The following CTDP1 variants were observed in gnomAD, a reference collection of about 807,000 sequenced individuals.
CTDP1 encodes the protein CTD phosphatase 1.
CTDP1 carries 47 observed loss-of-function variants against 91.8 expected under a neutral mutation model. The ratio of observed to expected loss-of-function variants is 0.51; its 90% CI spans 0.41 to 0.65. The LOEUF (loss-of-function observed/expected upper bound fraction) is 0.65. Among genes scored for constraint, CTDP1 ranks in the 30% least tolerant of loss-of-function variants. The pLI is 0.00. For synonymous variants in CTDP1, 656 were observed against 598.5 expected (o/e 1.10, Z -1.40); for missense variants, 1,272 against 1,373.7 (o/e 0.93, Z 1.17).
intron 4 of CTDP1, among the ~76,000 whole-genome samples, chr18:79,700,094 T>C (rs73009310): frequency 0.14 from 20,730 of 152,218 alleles, 1,643 homozygotes; most frequent in Non-Finnish European, 0.19. Flanking sequence ...CTCCACCAAC[T>C]GGCCATTCCC....
At chr18:79,737,377 C>T (rs2086690883) in intron 12 of CTDP1, among the ~76,000 whole-genome samples, 1 of 152,282 alleles carries the variant, frequency 6.6e-6, no homozygotes, top group East Asian at 1.9e-4. Context: ...TACGTTTGAC[C>T]TTTTCTACAT....
intron 11 of CTDP1, among the ~76,000 whole-genome samples, chr18:79,734,260 A>G (rs56335514): frequency 0.13 from 19,753 of 152,298 alleles, 1,671 homozygotes; most frequent in Non-Finnish European, 0.19. Flanking sequence ...ACGTGACCCC[A>G]TCCTGAGTCA....
At chr18:79,684,682 C>G (rs1452471009) in intron 1 of CTDP1, among the ~76,000 whole-genome samples, 1 of 152,220 alleles carries the variant, frequency 6.6e-6, no homozygotes, top group African/African-American at 2.4e-5. Context: ...AACATTTATC[C>G]TAACCACATC....
In CTDP1 at chr18:79,753,824, G is replaced by C. The variant is rs371112832; in HGVS notation, c.*34G>C. ...AGCGGGCAGGGACTGAAGCCTGACC[G>C]ACCTCCAGCAGCACTCGGACGTCCC... On this transcript the variant is annotated 3_prime_UTR_variant, in exon 13 of 13. Coordinates refer to ENST00000613122, the MANE Select transcript of CTDP1 (RefSeq NM_004715.5). The C allele has an allele frequency of 6.2e-7, 1 of 1,607,630 alleles. No homozygotes were observed. Among genetic ancestry groups the C allele is most frequent in the Non-Finnish European group, 8.5e-7 (1 of 1,178,016 alleles).
upstream of CTDP1, among the ~76,000 whole-genome samples, chr18:79,677,085 T>C (rs1007493834): frequency 1.3e-5 from 2 of 152,232 alleles, no homozygotes; most frequent in African/African-American, 4.8e-5. Flanking sequence ...TACAGAATTA[T>C]TTTTTCAAAC....
chr18:79,714,406 G>T (rs2086150186), intron 7 of CTDP1, 85 bp from the exon 8 acceptor site: 2 of 1,494,702 alleles, frequency 1.3e-6, no homozygotes, highest in African/African-American at 2.8e-5. Flanking sequence ...TCACAGCCAT[G>T]GAGAAGGGTG....
At chr18:79,716,024 A>G (rs2086200711) in intron 8 of CTDP1, among the ~76,000 whole-genome samples, 2 of 152,234 alleles carry the variant, frequency 1.3e-5, no homozygotes, top group South Asian at 4.1e-4. Flanking sequence ...CTGCTCTGAC[A>G]TGTTGAAACT....
chr18:79,723,062 T>A (rs1350337383), intron 10 of CTDP1, among the ~76,000 whole-genome samples: 1 of 152,234 alleles, frequency 6.6e-6, no homozygotes, highest in Non-Finnish European at 1.5e-5. Context: ...TGTGGACCCC[T>A]AGTGCCTGCA....
intron 1 of CTDP1, among the ~76,000 whole-genome samples, chr18:79,693,923 G>A (rs909885959): frequency 6.6e-6 from 1 of 150,842 alleles, no homozygotes; most frequent in Non-Finnish European, 1.5e-5. Flanking sequence ...CTGCAGACCC[G>A]CCCCTCCCAG....
In CTDP1 at chr18:79,714,574, G is replaced by A; in HGVS notation, c.1114G>A (p.Glu372Lys). Residue 372 changes from glutamate (E) to lysine (K), a missense_variant, in exon 8 of 13, where the codon GAG becomes AAG. Physicochemically the swap from Glu to Lys is moderately conservative, Grantham distance 56. Coordinates refer to ENST00000613122, the MANE Select transcript of CTDP1 (RefSeq NM_004715.5). ...PEGVTQAPGV[E>K]PSNGLEKPAR... ...GGGGGTAACGCAGGCCCCTGGAGTG[G>A]AGCCCAGCAATGGCCTGGAGAAGCC... The A allele has an allele frequency of 6.2e-7, 1 of 1,613,148 alleles. No homozygotes were observed. Among genetic ancestry groups the A allele is most frequent in the Non-Finnish European group, 8.5e-7 (1 of 1,180,034 alleles).
chr18:79,737,225 C>T (rs934326164), intron 12 of CTDP1, among the ~76,000 whole-genome samples: 7 of 152,196 alleles, frequency 4.6e-5, no homozygotes, highest in East Asian at 3.9e-4. Flanking sequence ...TCTGCATTGC[C>T]GTGAAAGGTA....
intron 12 of CTDP1, among the ~76,000 whole-genome samples, chr18:79,751,427 G>A (rs1162535187): frequency 6.6e-6 from 1 of 152,140 alleles, no homozygotes; most frequent in African/African-American, 2.4e-5. Flanking sequence ...TGGAGTTCTG[G>A]GGCCCTTGTG....
chr18:79,716,366 G>T (rs915112183), intron 8 of CTDP1, among the ~76,000 whole-genome samples: 4 of 152,228 alleles, frequency 2.6e-5, no homozygotes, highest in Non-Finnish European at 5.9e-5. Flanking sequence ...GTATCATGGG[G>T]CGTTGGACAC....
chr18:79,685,454 G>A (rs1246835428), intron 1 of CTDP1: 2 of 152,216 alleles, frequency 1.3e-5, no homozygotes, highest in Non-Finnish European at 2.9e-5. Context: ...GGCCGTGTGC[G>A]AGGGTTGATG....
intron 1 of CTDP1, among the ~76,000 whole-genome samples, chr18:79,686,480 A>T (rs773333469): frequency 2.0e-5 from 3 of 152,264 alleles, no homozygotes; most frequent in Non-Finnish European, 4.4e-5. Context: ...TTAAAGGATA[A>T]ATGCACATTT....
intron 1 of CTDP1, among the ~76,000 whole-genome samples, chr18:79,686,448 GA>G (rs1458063833): frequency 1.3e-5 from 2 of 152,242 alleles, no homozygotes; most frequent in Non-Finnish European, 2.9e-5. Flanking sequence ...TGATGAGTTT[GA>G]AGAGATTCAG....
chr18:79,680,565 C>T (rs377167908), intron 1 of CTDP1, among the ~76,000 whole-genome samples: 6 of 152,366 alleles, frequency 3.9e-5, no homozygotes, highest in African/African-American at 1.4e-4. Context: ...TTTAGCTCCA[C>T]CTTTGTGACT....
chr18:79,698,559 T>C (rs920565661), intron 4 of CTDP1, among the ~76,000 whole-genome samples: 37 of 152,170 alleles, frequency 2.4e-4, no homozygotes, highest in Admixed American at 2.4e-3. Context: ...GTCCTCAGGA[T>C]GGAACCAGAG....
At chr18:79,721,946 C>G (rs917813501) in intron 10 of CTDP1, among the ~76,000 whole-genome samples, 3 of 152,022 alleles carry the variant, frequency 2.0e-5, no homozygotes, top group Non-Finnish European at 2.9e-5. Flanking sequence ...GCCTCAGCCT[C>G]TTGAGCAGCT....
Sources: allele counts gnomAD v4.1 joint callset (sites outside exome capture counted in the v4.1 genomes callset), GRCh38; gene constraint gnomAD v4.1.1; transcripts MANE v1.5; gene names NCBI Gene and HGNC (gene_info 2026-07-23, HGNC 2026-07-21).